KAT6B: variants seen among roughly 807,000 people sequenced by gnomAD.
The protein encoded by KAT6B is histone acetyltransferase KAT6B.
KAT6B carries 10 observed loss-of-function variants against 187.5 expected under a neutral mutation model. That is an observed-to-expected ratio of 0.05 (90% CI 0.03 to 0.09). The LOEUF is 0.09. Among genes scored for constraint, KAT6B ranks in the 10% least tolerant of loss-of-function variants. The pLI is 1.00. For synonymous variants in KAT6B, 861 were observed against 926.8 expected (o/e 0.93, Z 1.29); for missense variants, 1,952 against 2,558.9 (o/e 0.76, Z 5.12).
At chr10:74,935,722 T>C (rs1440450364) in intron 3 of KAT6B, among the ~76,000 whole-genome samples, 1 of 152,244 alleles carries the variant, frequency 6.6e-6, no homozygotes, top group Non-Finnish European at 1.5e-5. Context: ...TACACACCTA[T>C]GAAAGATCTG....
intron 13 of KAT6B, among the ~76,000 whole-genome samples, chr10:74,995,918 G>A (rs931603660): frequency 2.0e-5 from 3 of 152,218 alleles, no homozygotes; most frequent in African/African-American, 7.2e-5. Context: ...TTTTACTCGG[G>A]CCTGCAGAGC....
chr10:75,029,208 C>A lies in KAT6B; in HGVS notation c.4384C>A (p.Leu1462Ile), dbSNP rs374530664. ...VLENQETFLD[L>I]NVQPGHSNPE... ...GGAAAACCAGGAGACTTTTTTAGAC[C>A]TTAATGTGCAGCCTGGTCACTCGAA... Residue 1462 changes from leucine to isoleucine, a missense_variant, in exon 18 of 18, where the codon CTT (leucine) becomes ATT (isoleucine). Physicochemically the swap from Leu to Ile is conservative, Grantham distance 5 (BLOSUM62 2). Transcript: ENST00000287239. This position sits in a 1 kb window ranked among gnomAD's most constrained non-coding sequence, Gnocchi z 6.2. The A allele has an allele frequency of 5.6e-6, 9 of 1,613,950 alleles. No individual in the cohort carries two copies. The highest frequency in any genetic ancestry group is 3.3e-5 in the Admixed American group (2 of 60,012).
Position 74,856,284 on chromosome 10 carries a change from G to T in KAT6B, c.621+12806G>T, listed in dbSNP as rs550011292. Among the ~76,000 whole-genome samples the T allele has an allele frequency of 2.6e-5, 4 of 152,062 alleles. No homozygotes were observed. The South Asian group carries it at 6.2e-4, about 24-fold the overall frequency. Reference sequence around the variant, plus strand: ...TTATTTTTAGTAGTGATGGGGTTTCGCCAGGTTGGCCAGGCTGGTCTTGAA... The same window carrying T: ...TTATTTTTAGTAGTGATGGGGTTTCTCCAGGTTGGCCAGGCTGGTCTTGAA... On this transcript the variant is annotated intron_variant, in intron 3 of 17. Coordinates refer to ENST00000287239, the MANE Select transcript of KAT6B (RefSeq NM_012330.4).
At chr10:74,926,706 A>G (rs753613701) in intron 3 of KAT6B, among the ~76,000 whole-genome samples, 3 of 152,228 alleles carry the variant, frequency 2.0e-5, no homozygotes, top group Non-Finnish European at 2.9e-5. Flanking sequence ...TTTAAGGGCA[A>G]GGACCAAATT....
chr10:74,825,157 A>G (rs960524231), upstream of KAT6B, among the ~76,000 whole-genome samples: 5 of 152,200 alleles, frequency 3.3e-5, no homozygotes, highest in Non-Finnish European at 1.5e-5. The surrounding 1 kb of genome is among the most constrained non-coding windows in gnomAD (Gnocchi z 5.0). Context: ...GATCGCCCGA[A>G]GGCGCAAAGC....
intron 3 of KAT6B, among the ~76,000 whole-genome samples, chr10:74,956,365 A>G (rs948791768): frequency 6.6e-6 from 1 of 152,174 alleles, no homozygotes; most frequent in African/African-American, 2.4e-5. Context: ...TGTCCACCAG[A>G]TTTCTCCATT....
chr10:74,998,154 A>G (rs934334464), intron 13 of KAT6B, among the ~76,000 whole-genome samples: 10 of 151,746 alleles, frequency 6.6e-5, no homozygotes, highest in Admixed American at 1.3e-4. Context: ...GGGTCTTGCT[A>G]TGTTGCCCAG....
chr10:74,880,212 A>T (rs1025805578), intron 3 of KAT6B, among the ~76,000 whole-genome samples: 2 of 152,224 alleles, frequency 1.3e-5, no homozygotes, highest in Non-Finnish European at 2.9e-5. Context: ...TCCTATACCC[A>T]TTAGCATCAC....
intron 3 of KAT6B, among the ~76,000 whole-genome samples, chr10:74,941,764 A>G (rs554507863): frequency 6.6e-6 from 1 of 152,378 alleles, no homozygotes; most frequent in Non-Finnish European, 1.5e-5. Flanking sequence ...AATCTTTAAC[A>G]ATACAAATGT....
intron 3 of KAT6B, among the ~76,000 whole-genome samples, chr10:74,938,688 A>G (rs1564575395): frequency 6.6e-6 from 1 of 152,158 alleles, no homozygotes; most frequent in Non-Finnish European, 1.5e-5. Flanking sequence ...TCAAACATAC[A>G]TGGAGAGTTT....
intron 3 of KAT6B, among the ~76,000 whole-genome samples, chr10:74,897,166 G>T (rs939411125): frequency 6.6e-6 from 1 of 152,128 alleles, no homozygotes; most frequent in African/African-American, 2.4e-5. Flanking sequence ...AATGGTTTAA[G>T]ATTTCAGAGA....
intron 11 of KAT6B, 57 bp from the exon 12 acceptor site, chr10:74,985,023 A>G (rs1208437729): frequency 4.0e-6 from 6 of 1,486,842 alleles, no homozygotes; most frequent in South Asian, 1.1e-5. Flanking sequence ...AGAAGAAACA[A>G]TTTTATATGG....
At chr10:74,936,666 T>C (rs975226088) in intron 3 of KAT6B, among the ~76,000 whole-genome samples, 1 of 152,170 alleles carries the variant, frequency 6.6e-6, no homozygotes, top group Non-Finnish European at 1.5e-5. Context: ...AATATATCAA[T>C]GTGTGGTTTT....
intron 15 of KAT6B, 128 bp from the exon 16 acceptor site, chr10:75,021,753 T>C (rs577338653): frequency 1.0e-5 from 9 of 882,622 alleles, no homozygotes; most frequent in Non-Finnish European, 1.5e-5. Context: ...ATGATGCAGC[T>C]GGAATGTGCT....
At chr10:74,963,435 A>G (rs1210143506) in intron 4 of KAT6B, among the ~76,000 whole-genome samples, 4 of 152,198 alleles carry the variant, frequency 2.6e-5, no homozygotes, top group South Asian at 2.1e-4. Context: ...AAATTACAGC[A>G]TCATTCTAAG....
At chr10:75,024,036 T>C (rs1845632939) in intron 16 of KAT6B, 1 of 152,154 alleles carries the variant, frequency 6.6e-6, no homozygotes. Context: ...TAAAAACTTT[T>C]TTGCTGGGCG....
chr10:74,884,254 AG>A (rs1845072225), intron 3 of KAT6B, among the ~76,000 whole-genome samples: 1 of 152,228 alleles, frequency 6.6e-6, no homozygotes, highest in Non-Finnish European at 1.5e-5. Flanking sequence ...CAGGACATAA[AG>A]GGTTATGTTA....
chr10:74,865,619 G>A (rs1453509676), intron 3 of KAT6B, among the ~76,000 whole-genome samples: 2 of 151,618 alleles, frequency 1.3e-5, no homozygotes, highest in East Asian at 1.9e-4. Context: ...AGGCTCAAGC[G>A]ATTCTCCTGG....
chr10:74,980,427 G>A (rs372563714), intron 10 of KAT6B, among the ~76,000 whole-genome samples: 1 of 152,114 alleles, frequency 6.6e-6, no homozygotes, highest in South Asian at 2.1e-4. Context: ...CGTAACTGGA[G>A]AAAATGCTAA....
Sources: allele counts gnomAD v4.1 joint callset (sites outside exome capture counted in the v4.1 genomes callset), GRCh38; gene constraint gnomAD v4.1.1; non-coding constraint Gnocchi (gnomAD v3.1); transcripts MANE v1.5; gene names NCBI Gene and HGNC (gene_info 2026-07-23, HGNC 2026-07-21).